The following ENPP2 variants were observed in gnomAD, a reference collection of about 807,000 sequenced individuals.
ENPP2 encodes autotaxin.
A neutral mutation model predicts 120.2 loss-of-function variants in ENPP2; 51 were observed. The observed-to-expected ratio is 0.42, with a 90% confidence interval of 0.34 to 0.54. The LOEUF (loss-of-function observed/expected upper bound fraction) is 0.54. ENPP2 is among the 20% of genes least tolerant of loss of function. The pLI is 0.04. For missense variants in ENPP2, 920 were observed against 1,066.5 expected (o/e 0.86, Z 1.91); for synonymous variants, 365 against 366.4 (o/e 1.00, Z 0.04).
At chr8:119,561,815 T>TTG (rs34146810) in intron 24 of ENPP2, among the ~76,000 whole-genome samples, 7 of 121,734 alleles carry the variant, frequency 5.8e-5, no homozygotes, top group East Asian at 2.2e-4. Flanking sequence ...GTGTGTGTGT[T>TTG]TGTGTGTGTG....
At chr8:119,649,252 A>T (rs1173202554) in intron 1 of ENPP2, among the ~76,000 whole-genome samples, 1 of 151,274 alleles carries the variant, frequency 6.6e-6, no homozygotes, top group Non-Finnish European at 1.5e-5. Flanking sequence ...AAAAAAAAAA[A>T]ATAGCCGGGT....
chr8:119,666,697 T>C (rs1191939992), intron 1 of ENPP2, among the ~76,000 whole-genome samples: 2 of 151,844 alleles, frequency 1.3e-5, no homozygotes, highest in East Asian at 3.9e-4. Flanking sequence ...GGAGCATCAC[T>C]TGAACCCAGG....
chr8:119,606,052 T>C (rs1259499896), intron 9 of ENPP2, among the ~76,000 whole-genome samples: 1 of 152,184 alleles, frequency 6.6e-6, no homozygotes, highest in Non-Finnish European at 1.5e-5. Flanking sequence ...TCTAAGTCTA[T>C]GGTTTGAATC....
chr8:119,576,291 C>T (rs111716020), intron 19 of ENPP2, among the ~76,000 whole-genome samples: 15,695 of 152,184 alleles, frequency 0.1, 928 homozygotes, highest in Middle Eastern at 0.19. Context: ...GTGGATGCCA[C>T]GATGCCCAGC....
At chr8:119,607,048 AG>A (rs1197466677) in intron 9 of ENPP2, among the ~76,000 whole-genome samples, 6 of 152,134 alleles carry the variant, frequency 3.9e-5, no homozygotes, top group Non-Finnish European at 8.8e-5. Flanking sequence ...GATGGGAAGG[AG>A]CCCCACTTTC....
intron 2 of ENPP2, among the ~76,000 whole-genome samples, chr8:119,630,839 A>T (rs1259886638): frequency 6.6e-6 from 1 of 152,118 alleles, no homozygotes; most frequent in African/African-American, 2.4e-5. Context: ...AGCCATATAG[A>T]ACCTCTTATA....
At chr8:119,609,764 C>T (rs746063793) in intron 8 of ENPP2, among the ~76,000 whole-genome samples, 1 of 152,182 alleles carries the variant, frequency 6.6e-6, no homozygotes, top group Non-Finnish European at 1.5e-5. Context: ...AATATCCAAA[C>T]AACTTCCTAG....
chr8:119,583,330 T>C (rs1182414425), intron 17 of ENPP2, among the ~76,000 whole-genome samples: 3 of 152,172 alleles, frequency 2.0e-5, no homozygotes, highest in Admixed American at 1.3e-4. Flanking sequence ...TAAGAGCACA[T>C]AAATAGCTGG....
At chr8:119,561,778 G>T (rs996972217) in intron 24 of ENPP2, among the ~76,000 whole-genome samples, 1 of 150,196 alleles carries the variant, frequency 6.7e-6, no homozygotes, top group African/African-American at 2.5e-5. Flanking sequence ...TTTCTCGCTT[G>T]CTCTTGCTTT....
intron 4 of ENPP2, 36 bp from the exon 5 acceptor site, chr8:119,619,340 T>C (rs778776400): frequency 1.5e-6 from 2 of 1,370,488 alleles, no homozygotes; most frequent in South Asian, 1.2e-5. Flanking sequence ...TTGTTGAATC[T>C]AATTACAAAT....
chr8:119,638,895 G>A (rs1445480878), upstream of ENPP2: 14 of 1,280,660 alleles, frequency 1.1e-5, no homozygotes, highest in Non-Finnish European at 1.6e-5. Context: ...CTGGGAGGTT[G>A]ACAGACTCCT....
chr8:119,595,834 T>C lies in ENPP2; in HGVS notation c.973-1974A>G, dbSNP rs16892841. The C allele has an allele frequency of 2.3e-3, 3,691 of 1,613,532 alleles. 62 individuals are homozygous for C. The African/African-American group carries it at 0.045, about 20-fold the overall frequency. On this transcript the variant is annotated intron_variant, in intron 11 of 24. Transcript: ENST00000075322. ...TGCCCGCCACAAAGCTTTGGAACAA[T>C]AGATAAACTTACTTTGTCCTGACGA...
At chr8:119,656,701 C>A (rs936998501) in intron 1 of ENPP2, among the ~76,000 whole-genome samples, 2 of 152,062 alleles carry the variant, frequency 1.3e-5, no homozygotes, top group Admixed American at 1.3e-4. Flanking sequence ...TGGCAGAATA[C>A]AGTTATCTCC....
At chr8:119,563,293 C>A (rs1814123477) in intron 23 of ENPP2, among the ~76,000 whole-genome samples, 1 of 152,052 alleles carries the variant, frequency 6.6e-6, no homozygotes, top group Non-Finnish European at 1.5e-5. Flanking sequence ...GGTGAATAGA[C>A]CAATGCAGTA....
chr8:119,660,975 G>A (rs1028266768), intron 1 of ENPP2, among the ~76,000 whole-genome samples: 1 of 152,126 alleles, frequency 6.6e-6, no homozygotes, highest in African/African-American at 2.4e-5. Flanking sequence ...CATCTGATAA[G>A]GGCCTAAGAT....
At chr8:119,627,332 T>C (rs1816349817) in intron 2 of ENPP2, among the ~76,000 whole-genome samples, 1 of 152,080 alleles carries the variant, frequency 6.6e-6, no homozygotes, top group African/African-American at 2.4e-5. Flanking sequence ...ATGATATAGG[T>C]GTATATCAGA....
chr8:119,566,212 C>T (rs1446959863), intron 22 of ENPP2, among the ~76,000 whole-genome samples: 1 of 152,154 alleles, frequency 6.6e-6, no homozygotes, highest in African/African-American at 2.4e-5. Flanking sequence ...CCATAATGGC[C>T]AACCAGAGGG....
In ENPP2 at chr8:119,562,871, C is replaced by T. The variant is rs779465029; in HGVS notation, c.2407G>A (p.Glu803Lys). 2.4e-5 allele frequency: 39 copies of T among 1,613,918 alleles called. No individual in the cohort carries two copies. The highest frequency in any genetic ancestry group is 2.5e-5 in the Non-Finnish European group (30 of 1,179,960). ...SFILPHRPDN[E>K]ESCNSSEDES... ...TGTAAACTCACATTGCAGCTCTCCT[C>T]GTTGTCAGGCCGGTGAGGCAGGATG... Residue 803 changes from glutamate to lysine, a missense_variant, in exon 24 of 25, where the codon GAG becomes AAG. Transcript: ENST00000075322.
At chr8:119,611,414 G>A (rs1277545748) in intron 8 of ENPP2, among the ~76,000 whole-genome samples, 1 of 152,116 alleles carries the variant, frequency 6.6e-6, no homozygotes, top group Non-Finnish European at 1.5e-5. Flanking sequence ...AGGGTGTGGG[G>A]GTTGGGGGAG....
Sources: allele counts gnomAD v4.1 joint callset (sites outside exome capture counted in the v4.1 genomes callset), GRCh38; gene constraint gnomAD v4.1.1; transcripts MANE v1.5; gene names NCBI Gene and HGNC (gene_info 2026-07-23, HGNC 2026-07-21).